Variants in SLC9A9 observed in about 807,000 individuals in gnomAD.
SLC9A9 encodes the protein solute carrier family 9 member A9.
Under a neutral mutation model 77.8 loss-of-function variants are expected in SLC9A9, and 62 were observed. The observed-to-expected ratio is 0.80, with a 90% CI of 0.65 to 0.98. The LOEUF (loss-of-function observed/expected upper bound fraction) is 0.98. Ranked by LOEUF, SLC9A9 falls within the 50% of genes least tolerant of loss-of-function variation. The pLI is 0.00. For missense variants in SLC9A9, 775 were observed against 774.9 expected (o/e 1.00, Z 0.00); for synonymous variants, 320 against 283.5 (o/e 1.13, Z -1.29).
intron 14 of SLC9A9, among the ~76,000 whole-genome samples, chr3:143,320,021 G>A (rs887504755): frequency 2.6e-5 from 4 of 152,180 alleles, no homozygotes; most frequent in Non-Finnish European, 4.4e-5. Context: ...ATAAACATGA[G>A]TTGTTTTTCC....
At chr3:143,722,747 A>G (rs113302472) in intron 4 of SLC9A9, among the ~76,000 whole-genome samples, 2,742 of 152,012 alleles carry the variant, frequency 0.018, 75 homozygotes, top group African/African-American at 0.061. Flanking sequence ...TGTCTTTTGG[A>G]GCCACTAATT....
intron 12 of SLC9A9, among the ~76,000 whole-genome samples, chr3:143,388,497 A>G (rs1277773766): frequency 2.0e-5 from 3 of 152,218 alleles, no homozygotes; most frequent in Non-Finnish European, 4.4e-5. Context: ...TTTCCCAACT[A>G]TAAGAGGGGA....
At chr3:143,366,562 C>T (rs574280097) in intron 13 of SLC9A9, among the ~76,000 whole-genome samples, 1 of 152,302 alleles carries the variant, frequency 6.6e-6, no homozygotes, top group South Asian at 2.1e-4. Flanking sequence ...ATTGGACTGG[C>T]TGGTCTCTTA....
intron 6 of SLC9A9, among the ~76,000 whole-genome samples, chr3:143,637,560 C>T (rs1242952404): frequency 1.3e-5 from 2 of 152,156 alleles, no homozygotes; most frequent in Non-Finnish European, 2.9e-5. Context: ...CATTTATATA[C>T]ACCTTAGTAA....
chr3:143,484,556 G>A (rs1002660334), intron 11 of SLC9A9, among the ~76,000 whole-genome samples: 3 of 152,170 alleles, frequency 2.0e-5, no homozygotes, highest in Non-Finnish European at 4.4e-5. Context: ...GTCAATGGGT[G>A]CAGAGAAGAT....
intron 9 of SLC9A9, among the ~76,000 whole-genome samples, chr3:143,502,612 T>C (rs1285088190): frequency 6.6e-6 from 1 of 152,230 alleles, no homozygotes; most frequent in Non-Finnish European, 1.5e-5. Context: ...TCAATATACC[T>C]GGCTAATACT....
intron 6 of SLC9A9, among the ~76,000 whole-genome samples, chr3:143,587,617 G>C (rs959492865): frequency 7.0e-6 from 1 of 141,982 alleles, no homozygotes; most frequent in Non-Finnish European, 1.5e-5. Context: ...AGAGCCTTTC[G>C]GGACATTGTT....
chr3:143,629,422 T>A (rs1534161), intron 6 of SLC9A9, among the ~76,000 whole-genome samples: 94,305 of 152,064 alleles, frequency 0.62, 29,579 homozygotes, highest in African/African-American at 0.73. Flanking sequence ...AATTATGATA[T>A]GTGCTACGAT....
At chr3:143,572,875 G>A (rs1405136354) in intron 8 of SLC9A9, among the ~76,000 whole-genome samples, 4 of 152,138 alleles carry the variant, frequency 2.6e-5, no homozygotes, top group Non-Finnish European at 5.9e-5. Context: ...ACCAGCCAAG[G>A]AGCAACTGAA....
chr3:143,459,594 T>C (rs551985015), intron 12 of SLC9A9, among the ~76,000 whole-genome samples: 2 of 152,266 alleles, frequency 1.3e-5, no homozygotes, highest in South Asian at 2.1e-4. Flanking sequence ...TCATTTCTTA[T>C]TGTCTTAGGT....
intron 14 of SLC9A9, among the ~76,000 whole-genome samples, chr3:143,311,650 T>C (rs910643084): frequency 1.3e-5 from 2 of 152,218 alleles, no homozygotes; most frequent in African/African-American, 4.8e-5. Context: ...TCAGGTCTCA[T>C]TACATAAAAT....
intron 12 of SLC9A9, among the ~76,000 whole-genome samples, chr3:143,464,858 A>G (rs2035257541): frequency 6.6e-6 from 1 of 152,130 alleles, no homozygotes; most frequent in South Asian, 2.1e-4. Context: ...CCCTGTATCT[A>G]TCTGTCTGGG....
At chr3:143,740,218 A>G (rs1935043296) in intron 4 of SLC9A9, among the ~76,000 whole-genome samples, 1 of 152,206 alleles carries the variant, frequency 6.6e-6, no homozygotes, top group African/African-American at 2.4e-5. Context: ...GGAGAGAAGC[A>G]TTGCTACTTT....
intron 5 of SLC9A9, among the ~76,000 whole-genome samples, chr3:143,690,597 G>T (rs1933432484): frequency 6.6e-6 from 1 of 152,116 alleles, no homozygotes; most frequent in African/African-American, 2.4e-5. Context: ...GAAAGTTGAA[G>T]AGGCTCCCAC....
chr3:143,552,282 T>C (rs1034000787), intron 9 of SLC9A9, 80 bp downstream of exon 9: 11 of 1,009,914 alleles, frequency 1.1e-5, no homozygotes, highest in African/African-American at 6.5e-5. Context: ...TGAAACTCTT[T>C]CTGACTATAC....
At chr3:143,375,819 C>A (rs186272038) in intron 13 of SLC9A9, among the ~76,000 whole-genome samples, 1 of 152,276 alleles carries the variant, frequency 6.6e-6, no homozygotes, top group Admixed American at 6.5e-5. Context: ...GATAACTGAT[C>A]CTGCCTATAT....
At chr3:143,706,555 G>A (rs1313994389) in intron 4 of SLC9A9, among the ~76,000 whole-genome samples, 1 of 152,232 alleles carries the variant, frequency 6.6e-6, no homozygotes, top group Non-Finnish European at 1.5e-5. Flanking sequence ...AGGGAGCCAA[G>A]TGAAGCCCCA....
intron 12 of SLC9A9, among the ~76,000 whole-genome samples, chr3:143,423,942 C>A (rs902636209): frequency 6.6e-6 from 1 of 152,142 alleles, no homozygotes; most frequent in Non-Finnish European, 1.5e-5. Flanking sequence ...ATCAGAAACA[C>A]CCAGAATAAG....
chr3:143,727,543 C>A (rs1934687934), intron 4 of SLC9A9, among the ~76,000 whole-genome samples: 1 of 151,990 alleles, frequency 6.6e-6, no homozygotes, highest in South Asian at 2.1e-4. Context: ...ACACTAGTTT[C>A]TTTTACTATG....
Sources: gnomAD v4.1 joint callset for allele counts (sites outside exome capture counted in the v4.1 genomes callset) on GRCh38, gnomAD v4.1.1 for gene constraint, MANE v1.5 for transcripts, NCBI Gene and HGNC (gene_info 2026-07-23, HGNC 2026-07-21) for gene names.